Variants in TNFAIP3 observed in about 807,000 individuals in gnomAD.
TNFAIP3 encodes TNF alpha induced protein 3, also known as tumor necrosis factor alpha-induced protein 3.
A neutral mutation model predicts 72.4 loss-of-function variants in TNFAIP3; 9 were observed. The observed-to-expected ratio is 0.12, with a 90% CI of 0.07 to 0.22. TNFAIP3 has a LOEUF of 0.22. Ranked by LOEUF, TNFAIP3 falls within the 10% of genes least tolerant of loss-of-function variation. The pLI is 1.00. For synonymous variants in TNFAIP3, 339 were observed against 372.6 expected, an observed-to-expected ratio of 0.91 and a Z score of 1.04; for missense variants, 833 against 1,018.7, an observed-to-expected ratio of 0.82 and a Z score of 2.48.
At chr6:137,880,434 T>C (rs1776412099) in intron 8 of TNFAIP3, among the ~76,000 whole-genome samples, 182 bp downstream of exon 8, 1 of 152,224 alleles carries the variant, frequency 6.6e-6, no homozygotes, top group Non-Finnish European at 1.5e-5. Flanking sequence ...AGGTCCGAAA[T>C]GCTACCTCCA....
At position 137,880,109 on chromosome 6, in the gene TNFAIP3, T is replaced by C; in HGVS notation, c.1945T>C (p.Ser649Pro). ...CTCAGGGAAAGTCAGTCCCACAGCG[T>C]CCAGGTTCCAGAACACCATTCCGTG... ...AASGKVSPTASRFQNTIPCLG... is the reference protein window; with the variant it reads ...AASGKVSPTAPRFQNTIPCLG... The change falls in exon 8 of 9, where the codon TCC becomes CCC. Residue 649 changes from serine to proline, a missense_variant. Physicochemically the swap from Ser to Pro is moderately conservative, Grantham distance 74. This residue lies in a region of TNFAIP3 where 587 missense variants were observed against 657.8 expected (regional missense o/e 0.89). Transcript: ENST00000612899. 1 of 1,614,180 alleles carries C rather than the reference T, an allele frequency of 6.2e-7. No homozygotes were observed.
chr6:137,868,460 A>AT lies in TNFAIP3; in HGVS notation c.-16+927dup, dbSNP rs377143985. ...TCTCATTGTTTAAGGTGCTGCTTTG[A>AT]TTTTTTTTTCAATTCTTTGTACTAT... On this transcript the variant is annotated intron_variant, in intron 1 of 8. Transcript: ENST00000612899. 1.3e-3 allele frequency among the ~76,000 whole-genome samples: 195 copies of AT among 151,062 alleles called. 1 individual carries two copies. Among genetic ancestry groups the AT allele is most frequent in the Middle Eastern group, 0.01 (3 of 290 alleles).
Position 137,881,542 on chromosome 6 carries a change from G to T in TNFAIP3, c.*223G>T. 1 of 451,626 alleles carries T rather than the reference G, an allele frequency of 2.2e-6. No homozygotes were observed. Among genetic ancestry groups the T allele is most frequent in the Non-Finnish European group, 3.9e-6 (1 of 256,896 alleles). 28.0% of individuals were successfully genotyped at this position (451,626 alleles called of 1,614,324 possible). A position where few individuals can be genotyped will look rare whatever the true frequency, so the allele number is the denominator to read the frequency against. ...AAAGCAAAGCTTGTAACTGGCAAGG[G>T]ATGATGTCAGATTCAGCCCAAGGTT... On this transcript the variant is annotated 3_prime_UTR_variant, in exon 9 of 9. Coordinates refer to ENST00000612899, the MANE Select transcript of TNFAIP3 (RefSeq NM_001270508.2). This position sits in a 1 kb window ranked among gnomAD's most constrained non-coding sequence, Gnocchi z 5.0.
Position 137,879,365 on chromosome 6 carries a change from T to A in TNFAIP3, c.1906+14T>A, listed in dbSNP as rs1445520775. 3 of 1,605,596 alleles carry A rather than the reference T, an allele frequency of 1.9e-6. No individual in the cohort carries two copies. In the African/African-American group the frequency reaches 4.0e-5, roughly 22 times the overall value. ...GAGAAAACAAACGTGAGTGAAGTGGTTGACTTCCTAACACAGCGGCTGCTG... is the reference window on the plus strand; with the variant it reads ...GAGAAAACAAACGTGAGTGAAGTGGATGACTTCCTAACACAGCGGCTGCTG... On this transcript the variant is annotated intron_variant, in intron 7 of 8. Transcript: ENST00000612899.
Position 137,878,760 on chromosome 6 carries a change from C to T in TNFAIP3, c.1315C>T (p.Arg439Trp), listed in dbSNP as rs751928111. The T allele has an allele frequency of 3.1e-6, 5 of 1,614,068 alleles. No individual in the cohort carries two copies. In the East Asian group the frequency reaches 6.7e-5, roughly 22 times the overall value. Residue 439 changes from arginine (R) to tryptophan (W), a missense_variant, in exon 7 of 9, where the codon CGG becomes TGG. Arg to Trp is a moderately radical substitution (Grantham distance 101). This residue lies in a region of TNFAIP3 where 587 missense variants were observed against 657.8 expected (regional missense o/e 0.89). Coordinates refer to ENST00000612899, the MANE Select transcript of TNFAIP3 (RefSeq NM_001270508.2). The part of the protein sequence containing the change: ...GLPGMALGAS[R>W]GEAYEPLAWN... ...CCCTGGCATGGCGCTCGGGGCCTCTCGGGGAGAAGCCTATGAGCCCTTGGC... is the reference window on the plus strand; with the variant it reads ...CCCTGGCATGGCGCTCGGGGCCTCTTGGGGAGAAGCCTATGAGCCCTTGGC...
Position 137,881,876 on chromosome 6 carries a change from C to T in TNFAIP3, c.*557C>T, listed in dbSNP as rs1157089510. On this transcript the variant is annotated 3_prime_UTR_variant, in exon 9 of 9. Coordinates refer to ENST00000612899, the MANE Select transcript of TNFAIP3 (RefSeq NM_001270508.2). The surrounding 1 kb of genome is among the most constrained non-coding windows in gnomAD (Gnocchi z 5.0). The stretch of plus-strand genomic sequence containing the variant: ...AGTTCATGGTTTTTCCCTACCTGCC[C>T]GGTTCCTTTCCTGAGGACCCGGCAG... 3.9e-5 allele frequency: 9 copies of T among 232,172 alleles called. No homozygotes were observed. Among genetic ancestry groups the T allele is most frequent in the African/African-American group, 1.5e-4 (7 of 45,268 alleles). The allele number at this position is 232,172 out of a possible 1,614,324, so 14.4% of individuals were successfully genotyped here.
chr6:137,879,216 C>A lies in TNFAIP3; in HGVS notation c.1771C>A (p.Leu591Met), dbSNP rs145392420. Residue 591 changes from leucine (L) to methionine (M), a missense_variant, in exon 7 of 9, where the codon CTG becomes ATG. Leu to Met is a conservative substitution (Grantham distance 15). Around this residue, in one of 2 missense-constraint regions of TNFAIP3, gnomAD observed 587 missense variants for 657.8 expected, o/e 0.89. Coordinates refer to ENST00000612899, the MANE Select transcript of TNFAIP3 (RefSeq NM_001270508.2). ...TGGAAACGACGCCCCTGCTGGCTGC[C>A]TGTCTCAAGCTGCACGGACTCCTGG... ...RAGNDAPAGC[L>M]SQAARTPGDR... 3 of 1,614,196 alleles carry A rather than the reference C, an allele frequency of 1.9e-6. No homozygotes were observed. The highest frequency in any genetic ancestry group is 2.5e-6 in the Non-Finnish European group (3 of 1,180,040).
At chr6:137,875,607 T>G (rs1426752196) in intron 3 of TNFAIP3, 81 bp from the exon 4 acceptor site, 1 of 1,483,848 alleles carries the variant, frequency 6.7e-7, no homozygotes, top group East Asian at 2.3e-5. Context: ...AATGAATAAT[T>G]GTAGAGTGAT....
intron 2 of TNFAIP3, among the ~76,000 whole-genome samples, chr6:137,873,556 A>G (rs909307894): frequency 1.3e-5 from 2 of 152,218 alleles, no homozygotes; most frequent in African/African-American, 4.8e-5. Context: ...ATAACTTAGC[A>G]CTGGGGAATT....
chr6:137,876,529 TC>T (rs929972548), intron 5 of TNFAIP3, among the ~76,000 whole-genome samples: 5 of 152,202 alleles, frequency 3.3e-5, no homozygotes, highest in Non-Finnish European at 7.3e-5. Context: ...CATTGCAGCC[TC>T]CACCCCCTGG....
chr6:137,867,030 G>A (rs903748452), upstream of TNFAIP3: 2 of 150,106 alleles, frequency 1.3e-5, no homozygotes, highest in African/African-American at 4.9e-5. This position sits in a 1 kb window ranked among gnomAD's most constrained non-coding sequence, Gnocchi z 6.0. Context: ...GGCGCCTGCA[G>A]GGACCGGGCG....
chr6:137,878,823 G>A lies in TNFAIP3; in HGVS notation c.1378G>A (p.Ala460Thr), dbSNP rs2114500215. Residue 460 changes from alanine to threonine, a missense_variant, in exon 7 of 9, where the codon GCC becomes ACC. This residue lies in a region of TNFAIP3 where 587 missense variants were observed against 657.8 expected (regional missense o/e 0.89). Coordinates refer to ENST00000612899, the MANE Select transcript of TNFAIP3 (RefSeq NM_001270508.2). ...PEESTGGPHS[A>T]PPTAPSPFLF... Reference sequence around the variant, plus strand: ...GGAGTCCACTGGGGGGCCTCATTCGGCCCCACCGACAGCACCCAGCCCTTT... The same window carrying A: ...GGAGTCCACTGGGGGGCCTCATTCGACCCCACCGACAGCACCCAGCCCTTT... The A allele has an allele frequency of 2.5e-6, 4 of 1,614,056 alleles. No homozygotes were observed. Among genetic ancestry groups the A allele is most frequent in the Non-Finnish European group, 3.4e-6 (4 of 1,180,022 alleles).
chr6:137,879,430 C>T, intron 7 of TNFAIP3, 79 bp downstream of exon 7: 2 of 1,467,956 alleles, frequency 1.4e-6, no homozygotes, highest in Non-Finnish European at 1.8e-6. Flanking sequence ...AGAAAAAAAG[C>T]CCATGTAGGC....
At chr6:137,872,699 CTACT>C (rs1260027158) in intron 2 of TNFAIP3, among the ~76,000 whole-genome samples, 1 of 152,146 alleles carries the variant, frequency 6.6e-6, no homozygotes, top group Non-Finnish European at 1.5e-5. Context: ...CTGGGGATAG[CTACT>C]ATCTGCATTG....
Position 137,879,239 on chromosome 6 carries a change from T to A in TNFAIP3, c.1794T>A (p.Pro598=), listed in dbSNP as rs774328747. The change falls in exon 7 of 9, where the codon CCT becomes CCA. Residue 598 remains proline (P), a synonymous_variant. Transcript: ENST00000612899. ...GCCTGTCTCAAGCTGCACGGACTCC[T>A]GGGGACAGGACGGGGACGAGCAAGT... is the stretch of plus-strand genomic sequence containing the variant. ...AGCLSQAART[P]GDRTGTSKCR... is the part of the protein sequence containing the mutation. The A allele has an allele frequency of 1.2e-6, 2 of 1,614,156 alleles. No individual in the cohort carries two copies. Among genetic ancestry groups the A allele is most frequent in the Non-Finnish European group, 1.7e-6 (2 of 1,180,028 alleles).
chr6:137,881,923 CTG>C lies in TNFAIP3; in HGVS notation c.*607_*608del. Reference sequence around the variant, plus strand: ...GCAGAAATGCAGAACCATCCATGGACTGTGATTCTGAGGCTGCTGAGACTGAA... The same window carrying C: ...GCAGAAATGCAGAACCATCCATGGACTGATTCTGAGGCTGCTGAGACTGAA... On this transcript the variant is annotated 3_prime_UTR_variant, in exon 9 of 9. Transcript: ENST00000612899. The surrounding 1 kb of genome is among the most constrained non-coding windows in gnomAD (Gnocchi z 5.0). 1 of 232,138 alleles carries C rather than the reference CTG, an allele frequency of 4.3e-6. No homozygotes were observed. Among genetic ancestry groups the C allele is most frequent in the Non-Finnish European group, 8.5e-6 (1 of 117,282 alleles). 14.4% of individuals were successfully genotyped at this position (232,138 alleles called of 1,614,324 possible).
chr6:137,880,591 A>T (rs1414983841), intron 8 of TNFAIP3, among the ~76,000 whole-genome samples: 1 of 152,246 alleles, frequency 6.6e-6, no homozygotes, highest in Non-Finnish European at 1.5e-5. Context: ...TCTAAAAAGC[A>T]GCCCTTCTTA....
In TNFAIP3 at chr6:137,881,428, G is replaced by A. The variant is rs942271443; in HGVS notation, c.*109G>A. On this transcript the variant is annotated 3_prime_UTR_variant, in exon 9 of 9. Coordinates refer to ENST00000612899, the MANE Select transcript of TNFAIP3 (RefSeq NM_001270508.2). This position sits in a 1 kb window ranked among gnomAD's most constrained non-coding sequence, Gnocchi z 5.0. ...TGCCACTGCAACAGTGGGCTTAAGG[G>A]TGTCTGAGCAGGAGAGGAAAGATAA... 2.9e-6 allele frequency: 3 copies of A among 1,021,620 alleles called. No individual in the cohort carries two copies. Among genetic ancestry groups the A allele is most frequent in the East Asian group, 2.6e-5 (1 of 39,102 alleles). The allele number at this position is 1,021,620 out of a possible 1,614,324, so 63.3% of individuals were successfully genotyped here.
Position 137,882,751 on chromosome 6 carries a change from A to G in TNFAIP3, c.*1432A>G, listed in dbSNP as rs1380431254. On this transcript the variant is annotated 3_prime_UTR_variant, in exon 9 of 9. Transcript: ENST00000612899. ...TGGGAAGTCCCCTGCATCCCATGGTACCCTGGTATTGGGACAGCAAAAGCC... is the reference window on the plus strand; with the variant it reads ...TGGGAAGTCCCCTGCATCCCATGGTGCCCTGGTATTGGGACAGCAAAAGCC... 4.3e-6 allele frequency: 1 copy of G among 231,816 alleles called. No individual in the cohort carries two copies. 14.4% of individuals were successfully genotyped at this position (231,816 alleles called of 1,614,324 possible).
Sources: allele counts gnomAD v4.1 joint callset (sites outside exome capture counted in the v4.1 genomes callset), GRCh38; gene constraint gnomAD v4.1.1; regional missense constraint gnomAD v4.1.1; non-coding constraint Gnocchi (gnomAD v3.1); transcripts MANE v1.5; gene names NCBI Gene and HGNC (gene_info 2026-07-23, HGNC 2026-07-21).